Variants in CWH43 observed in about 807,000 individuals in gnomAD.
CWH43 encodes the protein PGAP2-interacting protein.
CWH43 carries 91 observed loss-of-function variants against 85.7 expected under a neutral mutation model. The observed-to-expected ratio is 1.06, with a 90% CI of 0.90 to 1.26. CWH43 has a LOEUF of 1.26. Among genes scored for constraint, CWH43 ranks in the 50% most tolerant of loss-of-function variants. The pLI is 0.00. For missense variants in CWH43, 869 were observed against 839.2 expected, an observed-to-expected ratio of 1.04 and a Z score of -0.44; for synonymous variants, 323 against 293.6, an observed-to-expected ratio of 1.10 and a Z score of -1.02.
chr4:49,028,784 C>T (rs1371069937), intron 10 of CWH43, 50 bp downstream of exon 10: 5 of 1,226,182 alleles, frequency 4.1e-6, no homozygotes, highest in Non-Finnish European at 6.0e-6. Flanking sequence ...ATTATTGTTA[C>T]TTTTATTTTC....
intron 5 of CWH43, among the ~76,000 whole-genome samples, chr4:48,998,017 G>A (rs1291661690): frequency 6.6e-6 from 1 of 152,152 alleles, no homozygotes; most frequent in Non-Finnish European, 1.5e-5. Context: ...AAGACACACA[G>A]CTATCAGTTA....
rs573647297 is a variant in CWH43, at chr4:49,030,378, T to C, written c.1373-447T>C. On this transcript the variant is annotated intron_variant, in intron 10 of 15. Transcript: ENST00000226432. ...ATTTTTTTGCCCCTTAGCCCTTTTTTAGTCTGATTACAGGCTTCCAAGGCA... is the reference window on the plus strand; with the variant it reads ...ATTTTTTTGCCCCTTAGCCCTTTTTCAGTCTGATTACAGGCTTCCAAGGCA... Among the ~76,000 whole-genome samples, 11 of 152,334 alleles carry C rather than the reference T, an allele frequency of 7.2e-5. No homozygotes were observed. The South Asian group carries it at 2.3e-3, about 32-fold the overall frequency.
intron 8 of CWH43, among the ~76,000 whole-genome samples, chr4:49,014,546 G>T (rs1783476584): frequency 1.3e-5 from 2 of 151,546 alleles, no homozygotes; most frequent in South Asian, 4.2e-4. Context: ...TTATGTTTTG[G>T]TATATCCCTT....
At chr4:49,055,127 G>A (rs149721459) in intron 15 of CWH43, among the ~76,000 whole-genome samples, 22 of 152,218 alleles carry the variant, frequency 1.4e-4, no homozygotes, top group Admixed American at 3.3e-4. Context: ...CACTGAGTAT[G>A]ATGTTAGCTG....
chr4:49,055,747 A>G (rs537601376), intron 15 of CWH43, among the ~76,000 whole-genome samples: 3 of 151,398 alleles, frequency 2.0e-5, no homozygotes, highest in Admixed American at 6.6e-5. Flanking sequence ...CTACCACCAC[A>G]CCCAGCTAAT....
At position 49,044,861 on chromosome 4, in the gene CWH43, T is replaced by C; in HGVS notation, c.1865+14T>C. On this transcript the variant is annotated intron_variant, in intron 14 of 15. Transcript: ENST00000226432. The stretch of plus-strand genomic sequence containing the variant: ...AGGGCTGATCAGGTGAGCACAGGGG[T>C]TTGATTTTGTTTTTAATCTATTATT... 1 of 1,605,644 alleles carries C rather than the reference T, an allele frequency of 6.2e-7. No individual in the cohort carries two copies. The highest frequency in any genetic ancestry group is 1.7e-5 in the Admixed American group (1 of 59,558).
intron 8 of CWH43, among the ~76,000 whole-genome samples, chr4:49,015,911 G>C (rs902866646): frequency 6.6e-6 from 1 of 151,724 alleles, no homozygotes; most frequent in African/African-American, 2.4e-5. Flanking sequence ...TCATACTTTT[G>C]AATACCCTCT....
At chr4:48,991,694 C>T (rs1782664721) in intron 3 of CWH43, 120 bp downstream of exon 3, 1 of 1,170,608 alleles carries the variant, frequency 8.5e-7, no homozygotes, top group Non-Finnish European at 1.2e-6. Context: ...GTCAAAGTCT[C>T]CTTTTTTTTC....
chr4:48,986,800 G>GC (rs1427256930), intron 1 of CWH43: 1 of 1,192,108 alleles, frequency 8.4e-7, no homozygotes, highest in South Asian at 2.7e-5. Context: ...CGTCCCCAAA[G>GC]CCCCCCACCC....
chr4:49,038,379 C>T (rs899236398), intron 13 of CWH43, among the ~76,000 whole-genome samples, 199 bp downstream of exon 13: 3 of 152,136 alleles, frequency 2.0e-5, no homozygotes, highest in Non-Finnish European at 4.4e-5. Flanking sequence ...GGACAGGGCT[C>T]AATGGGGGTA....
chr4:48,988,863 T>C (rs1444702999), intron 2 of CWH43, among the ~76,000 whole-genome samples, 195 bp downstream of exon 2: 1 of 152,212 alleles, frequency 6.6e-6, no homozygotes, highest in Non-Finnish European at 1.5e-5. Flanking sequence ...ATTTCCATTG[T>C]TTTTTCCAGA....
At chr4:48,993,511 T>C (rs1782719329) in intron 4 of CWH43, among the ~76,000 whole-genome samples, 1 of 152,164 alleles carries the variant, frequency 6.6e-6, no homozygotes, top group South Asian at 2.1e-4. Context: ...CCTTCTGTCC[T>C]GTAGAGGGCT....
chr4:49,048,291 C>CACACTCTGTGTGTGTATATATATAT (rs1217459440), intron 14 of CWH43, among the ~76,000 whole-genome samples: 9 of 151,210 alleles, frequency 6.0e-5, no homozygotes, highest in Non-Finnish European at 1.2e-4. Flanking sequence ...TATATATATA[C>CACACTCTGTGTGTGTATATATATAT]ACACTCTGTG....
chr4:49,017,146 G>A (rs955032654), intron 8 of CWH43, 103 bp from the exon 9 acceptor site: 2 of 936,728 alleles, frequency 2.1e-6, no homozygotes, highest in African/African-American at 1.6e-5. Flanking sequence ...ACTTCCTGGA[G>A]GGTGCCATGG....
intron 8 of CWH43, among the ~76,000 whole-genome samples, chr4:49,015,417 T>C (rs1452526530): frequency 6.6e-6 from 1 of 152,256 alleles, no homozygotes; most frequent in African/African-American, 2.4e-5. Flanking sequence ...CAGCTGTCAG[T>C]GTAATTGTTT....
Position 49,038,162 on chromosome 4 carries a change from T to C in CWH43, c.1785T>C (p.Thr595=), listed in dbSNP as rs1420388382. ...GCTCCAGAGATTATCTACAGCTCAC[T>C]GAACATGGCAATGTGAAGGTAACAT... is the stretch of plus-strand genomic sequence containing the variant. The part of the protein sequence containing the change: ...APGSRDYLQL[T]EHGNVKDIDS... The change falls in exon 13 of 16, where the codon ACT becomes ACC. Residue 595 remains threonine, a synonymous_variant. Coordinates refer to ENST00000226432, the MANE Select transcript of CWH43 (RefSeq NM_025087.3). The C allele has an allele frequency of 2.5e-6, 4 of 1,586,190 alleles. No individual in the cohort carries two copies. The highest frequency in any genetic ancestry group is 1.8e-5 in the Admixed American group (1 of 55,022).
chr4:49,011,510 T>G (rs1181980437), intron 8 of CWH43, among the ~76,000 whole-genome samples: 1 of 152,200 alleles, frequency 6.6e-6, no homozygotes, highest in Non-Finnish European at 1.5e-5. Flanking sequence ...ATCATTATGA[T>G]GTTAGCTGGT....
chr4:49,035,132 G>A (rs1478463104), intron 12 of CWH43, among the ~76,000 whole-genome samples: 1 of 152,038 alleles, frequency 6.6e-6, no homozygotes, highest in Non-Finnish European at 1.5e-5. Flanking sequence ...ATCACGACAT[G>A]TTTTATTTGT....
rs1205555753 is a variant in CWH43, at chr4:48,986,394, C to G, written c.-36C>G. 6.5e-7 allele frequency: 1 copy of G among 1,545,374 alleles called. No homozygotes were observed. The highest frequency in any genetic ancestry group is 8.7e-7 in the Non-Finnish European group (1 of 1,144,300). On this transcript the variant is annotated 5_prime_UTR_variant, in exon 1 of 16. Transcript: ENST00000226432. ...GCTAGGGCAGCGGGCCCGACCCGCACGGCTTTCCTGGAAAGCGCTGCCCCT... is the reference window on the plus strand; with the variant it reads ...GCTAGGGCAGCGGGCCCGACCCGCAGGGCTTTCCTGGAAAGCGCTGCCCCT...
Sources: allele counts gnomAD v4.1 joint callset (sites outside exome capture counted in the v4.1 genomes callset), GRCh38; gene constraint gnomAD v4.1.1; transcripts MANE v1.5; gene names NCBI Gene and HGNC (gene_info 2026-07-23, HGNC 2026-07-21).